The following AEN variants were observed in gnomAD, a reference collection of about 807,000 sequenced individuals.
The protein encoded by AEN is apoptosis enhancing nuclease, also known as apoptosis-enhancing nuclease.
Under a neutral mutation model 17.7 loss-of-function variants are expected in AEN, and 21 were observed. That is an observed-to-expected ratio of 1.19 (90% CI 0.84 to 1.71). The LOEUF (loss-of-function observed/expected upper bound fraction) is 1.71. Among genes scored for constraint, AEN ranks in the 40% most tolerant of loss-of-function variants. AEN has a pLI of 0.00. For missense variants in AEN, 462 were observed against 435.9 expected (o/e 1.06, Z -0.53); for synonymous variants, 190 against 173.0 (o/e 1.10, Z -0.77).
At chr15:88,624,428 A>G (rs1285845649) in intron 1 of AEN, among the ~76,000 whole-genome samples, 1 of 151,990 alleles carries the variant, frequency 6.6e-6, no homozygotes, top group African/African-American at 2.4e-5. Flanking sequence ...CTAGAGTCTA[A>G]CCTCTCTGGG....
the AEN span, among the ~76,000 whole-genome samples, chr15:88,615,545 C>T: frequency 1.8e-4 from 28 of 152,296 alleles, no homozygotes; most frequent in South Asian, 4.8e-3. Flanking sequence ...GCTTCATACT[C>T]TCCAACACAA....
At chr15:88,609,771 T>C in the AEN span, among the ~76,000 whole-genome samples, 1 of 152,242 alleles carries the variant, frequency 6.6e-6, no homozygotes. Context: ...CCACAATCAG[T>C]TCAAATTCAT....
the AEN span, among the ~76,000 whole-genome samples, chr15:88,612,751 C>T: frequency 6.6e-6 from 1 of 152,036 alleles, no homozygotes; most frequent in Non-Finnish European, 1.5e-5. Context: ...CAGGTGAATG[C>T]CACCAACTCA....
At chr15:88,611,851 C>G in the AEN span, 94 of 520,634 alleles carry the variant, frequency 1.8e-4, no homozygotes, top group Non-Finnish European at 3.1e-4. Context: ...CCGGCTGGCC[C>G]CATCTGGAAG....
At chr15:88,623,644 G>A (rs2057815258) in intron 1 of AEN, among the ~76,000 whole-genome samples, 1 of 152,236 alleles carries the variant, frequency 6.6e-6, no homozygotes, top group African/African-American at 2.4e-5. Flanking sequence ...AGCACAGAGG[G>A]ATGAATTTCT....
chr15:88,621,995 C>T (rs1405793354), intron 1 of AEN, among the ~76,000 whole-genome samples: 2 of 152,168 alleles, frequency 1.3e-5, no homozygotes, highest in African/African-American at 2.4e-5. Flanking sequence ...ATCTAATTCA[C>T]AGCCCTCGGT....
At chr15:88,610,313 T>A in the AEN span, among the ~76,000 whole-genome samples, 1 of 151,598 alleles carries the variant, frequency 6.6e-6, no homozygotes, top group African/African-American at 2.4e-5. Flanking sequence ...GGCTATTTTT[T>A]TTTTTTTTTT....
Position 88,626,423 on chromosome 15 carries a change from A to C in AEN, c.214A>C (p.Thr72Pro). The C allele has an allele frequency of 6.2e-7, 1 of 1,613,242 alleles. No individual in the cohort carries two copies. ...ACTGCCCACCCCTTTCGGGGCAGCGACAGCAACTGAAGCTGCCAGCAGTGG... is the reference window on the plus strand; with the variant it reads ...ACTGCCCACCCCTTTCGGGGCAGCGCCAGCAACTGAAGCTGCCAGCAGTGG... ...SPLPTPFGAATATEAASSGKQ... is the reference protein window; with the variant it reads ...SPLPTPFGAAPATEAASSGKQ... Residue 72 changes from threonine to proline, a missense_variant, in exon 2 of 4, where the codon ACA becomes CCA. Coordinates refer to ENST00000332810, the MANE Select transcript of AEN (RefSeq NM_022767.4).
chr15:88,626,264 A>G lies in AEN; in HGVS notation c.55A>G (p.Ile19Val), dbSNP rs140747161. 29 of 1,613,080 alleles carry G rather than the reference A, an allele frequency of 1.8e-5. No homozygotes were observed. The highest frequency in any genetic ancestry group is 1.8e-4 in the East Asian group (8 of 44,884). The change falls in exon 2 of 4, where the codon ATC becomes GTC. Residue 19 changes from isoleucine to valine, a missense_variant. Transcript: ENST00000332810. ...SAQCLCPSLTIPNAKDVLRKR... is the reference protein window; with the variant it reads ...SAQCLCPSLTVPNAKDVLRKR... ...TCAGTGCCTGTGCCCTTCCCTCACC[A>G]TCCCAAATGCCAAGGATGTGCTTCG... is the stretch of plus-strand genomic sequence containing the variant.
Position 88,626,506 on chromosome 15 carries a change from C to T in AEN, c.297C>T (p.Pro99=), listed in dbSNP as rs747415479. 14 of 1,614,120 alleles carry T rather than the reference C, an allele frequency of 8.7e-6. No homozygotes were observed. Among genetic ancestry groups the T allele is most frequent in the East Asian group, 4.5e-5 (2 of 44,888 alleles). Residue 99 remains proline, a synonymous_variant, in exon 2 of 4, where the codon CCC becomes CCT. Transcript: ENST00000332810. ...GSAPCSRRPA[P]GKASGPLPSK... The stretch of plus-strand genomic sequence containing the variant: ...CCCCATGCAGCAGAAGGCCTGCTCC[C>T]GGGAAAGCCTCAGGGCCCTTGCCCA...
chr15:88,618,522 C>T (rs1402406291), upstream of AEN, among the ~76,000 whole-genome samples: 2 of 152,126 alleles, frequency 1.3e-5, no homozygotes, highest in Non-Finnish European at 2.9e-5. Flanking sequence ...TTTAAACATA[C>T]AAGTTAATTA....
upstream of AEN, among the ~76,000 whole-genome samples, chr15:88,617,705 C>T (rs914208502): frequency 3.3e-5 from 5 of 152,192 alleles, no homozygotes; most frequent in Admixed American, 2.0e-4. Context: ...ACTGCAATGA[C>T]TGAGATAAAA....
chr15:88,624,505 C>T (rs2057826802), intron 1 of AEN, among the ~76,000 whole-genome samples: 1 of 152,184 alleles, frequency 6.6e-6, no homozygotes, highest in African/African-American at 2.4e-5. Flanking sequence ...TACATTGTGT[C>T]GTTTCCTCTT....
At chr15:88,617,059 A>G (rs529789781), upstream of AEN, among the ~76,000 whole-genome samples, 2 of 152,306 alleles carry the variant, frequency 1.3e-5, no homozygotes, top group African/African-American at 4.8e-5. Flanking sequence ...TCTAAATATC[A>G]TAATGATTTG....
Position 88,629,362 on chromosome 15 carries a change from T to C in AEN, c.677T>C (p.Leu226Pro). The C allele has an allele frequency of 1.2e-6, 2 of 1,614,014 alleles. No homozygotes were observed. The highest frequency in any genetic ancestry group is 1.7e-6 in the Non-Finnish European group (2 of 1,179,978). Reference protein sequence around the residue: ...YVPNFLSEPGLHTRARVSLKD... With the variant: ...YVPNFLSEPGPHTRARVSLKD... ...CCAAACTTCCTCAGCGAGCCCGGCC[T>C]CCACACCCGGGCCCGGGTCTCTCTA... is the stretch of plus-strand genomic sequence containing the variant. The change falls in exon 3 of 4, where the codon CTC becomes CCC. Residue 226 changes from leucine to proline, a missense_variant. Coordinates refer to ENST00000332810, the MANE Select transcript of AEN (RefSeq NM_022767.4).
At chr15:88,627,282 G>A (rs113789607) in intron 2 of AEN, 5 of 159,530 alleles carry the variant, frequency 3.1e-5, no homozygotes, top group African/African-American at 1.2e-4. Context: ...ATTAGGCTTG[G>A]GGAGGGCTCT....
chr15:88,617,649 C>A (rs969278517), upstream of AEN, among the ~76,000 whole-genome samples: 1 of 152,126 alleles, frequency 6.6e-6, no homozygotes, highest in Non-Finnish European at 1.5e-5. Flanking sequence ...ACCCCTTACC[C>A]CCTAACCCCA....
At chr15:88,608,963 C>T in the AEN span, among the ~76,000 whole-genome samples, 1 of 152,184 alleles carries the variant, frequency 6.6e-6, no homozygotes, top group Non-Finnish European at 1.5e-5. Flanking sequence ...GGGATGCTGG[C>T]ATTGGTCCCC....
intron 3 of AEN, 151 bp from the exon 4 acceptor site, chr15:88,629,907 T>C: frequency 5.6e-6 from 4 of 714,010 alleles, no homozygotes; most frequent in South Asian, 3.4e-5. Flanking sequence ...TGGTGTACAG[T>C]TGAGGTTCCA....
Sources: gnomAD v4.1 joint callset for allele counts (sites outside exome capture counted in the v4.1 genomes callset) on GRCh38, gnomAD v4.1.1 for gene constraint, MANE v1.5 for transcripts, NCBI Gene and HGNC (gene_info 2026-07-23, HGNC 2026-07-21) for gene names.